The following EPHA6 variants were observed in gnomAD, a reference collection of about 807,000 sequenced individuals.
EPHA6 encodes the protein EPH receptor A6.
Under a neutral mutation model 112.0 loss-of-function variants are expected in EPHA6, and 50 were observed. The ratio of observed to expected loss-of-function variants is 0.45; its 90% CI spans 0.36 to 0.56. The LOEUF is 0.56. Among genes scored for constraint, EPHA6 ranks in the 20% least tolerant of loss-of-function variants. The pLI is 0.00. For missense variants in EPHA6, 1,280 were observed against 1,417.4 expected, an observed-to-expected ratio of 0.90 and a Z score of 1.56; for synonymous variants, 529 against 490.7, an observed-to-expected ratio of 1.08 and a Z score of -1.03.
At chr3:96,990,253 A>T (rs895321945) in intron 3 of EPHA6, among the ~76,000 whole-genome samples, 2 of 152,242 alleles carry the variant, frequency 1.3e-5, no homozygotes, top group South Asian at 4.1e-4. Context: ...GTGAAATTTT[A>T]TTCTTATTTA....
At chr3:97,035,390 T>C (rs2045050693) in intron 3 of EPHA6, among the ~76,000 whole-genome samples, 3 of 151,986 alleles carry the variant, frequency 2.0e-5, no homozygotes, top group Non-Finnish European at 4.4e-5. Context: ...GTTTTGGTGG[T>C]ACATAACTTT....
chr3:96,887,719 G>T (rs1033919046), intron 2 of EPHA6, among the ~76,000 whole-genome samples: 1 of 152,060 alleles, frequency 6.6e-6, no homozygotes, highest in African/African-American at 2.4e-5. Context: ...AGGTCAGGGC[G>T]GGGCTAGGTG....
chr3:97,375,874 C>A (rs528236777), intron 5 of EPHA6, among the ~76,000 whole-genome samples: 59 of 152,160 alleles, frequency 3.9e-4, no homozygotes, highest in South Asian at 4.1e-4. Context: ...CTAGAAAATA[C>A]AAACTAACCT....
chr3:97,685,120 T>A (rs976744172), intron 14 of EPHA6, among the ~76,000 whole-genome samples: 1 of 152,188 alleles, frequency 6.6e-6, no homozygotes, highest in Non-Finnish European at 1.5e-5. Context: ...ATTTATATGA[T>A]GTCACTCATA....
Position 96,866,845 on chromosome 3 carries a change from A to G in EPHA6, c.406A>G (p.Thr136Ala), listed in dbSNP as rs565610344. The change falls in exon 2 of 18, where the codon ACT (threonine) becomes GCT (alanine). Residue 136 changes from threonine to alanine, a missense_variant. Thr to Ala is a moderately conservative substitution (Grantham distance 58). Transcript: ENST00000389672. ...TCCAGTTGTGTTGCTTGATACAACAACTGTACTGGGAGAGCTAGGATGGAA... is the reference window on the plus strand; with the variant it reads ...TCCAGTTGTGTTGCTTGATACAACAGCTGTACTGGGAGAGCTAGGATGGAA... ...NNQVVLLDTT[T>A]VLGELGWKTY... 6 of 1,487,012 alleles carry G rather than the reference A, an allele frequency of 4.0e-6. No homozygotes were observed. The South Asian group carries it at 7.0e-5, about 17-fold the overall frequency. 92.1% of individuals were successfully genotyped at this position (1,487,012 alleles called of 1,614,324 possible). A position where few individuals can be genotyped will look rare whatever the true frequency, so the allele number is the denominator to read the frequency against.
chr3:97,618,604 C>T (rs540245486), intron 13 of EPHA6, among the ~76,000 whole-genome samples: 1 of 151,970 alleles, frequency 6.6e-6, no homozygotes, highest in Admixed American at 6.6e-5. Context: ...CACAGAAATA[C>T]AAGCAACGAT....
chr3:96,819,963 G>A (rs778530517), intron 1 of EPHA6, among the ~76,000 whole-genome samples: 1 of 152,118 alleles, frequency 6.6e-6, no homozygotes, highest in Non-Finnish European at 1.5e-5. Flanking sequence ...TGTGCTATTT[G>A]AAATGGGACA....
At chr3:97,181,667 G>C (rs1030151728) in intron 3 of EPHA6, among the ~76,000 whole-genome samples, 2 of 151,910 alleles carry the variant, frequency 1.3e-5, no homozygotes, top group Non-Finnish European at 2.9e-5. Context: ...TAATAAATTT[G>C]AAGTTATCTA....
chr3:97,379,348 C>T (rs2085572273), intron 5 of EPHA6, among the ~76,000 whole-genome samples: 1 of 152,090 alleles, frequency 6.6e-6, no homozygotes, highest in South Asian at 2.1e-4. Context: ...ATCAGAAATG[C>T]TTCAGAACTA....
chr3:96,954,773 CTTTTTTTTTTTTTTT>C (rs10612575), intron 2 of EPHA6, among the ~76,000 whole-genome samples: 172 of 72,706 alleles, frequency 2.4e-3, no homozygotes, highest in African/African-American at 8.9e-3. Flanking sequence ...ACTGGTGTGC[CTTTTTTTTTTTTTTT>C]TTTTTTTTTT....
At chr3:97,709,331 A>G (rs759467647) in intron 14 of EPHA6, among the ~76,000 whole-genome samples, 1 of 152,204 alleles carries the variant, frequency 6.6e-6, no homozygotes, top group Non-Finnish European at 1.5e-5. Flanking sequence ...TTGGAACTTT[A>G]AATTTAATGA....
chr3:97,422,813 A>G (rs2088781213), intron 6 of EPHA6, among the ~76,000 whole-genome samples: 1 of 152,228 alleles, frequency 6.6e-6, no homozygotes, highest in Non-Finnish European at 1.5e-5. Flanking sequence ...CTAATCCACC[A>G]TGATCCATTA....
At chr3:97,632,838 T>C (rs1433133978) in intron 13 of EPHA6, among the ~76,000 whole-genome samples, 4 of 152,128 alleles carry the variant, frequency 2.6e-5, no homozygotes, top group Non-Finnish European at 1.5e-5. Flanking sequence ...TATTCTGTCA[T>C]TGAAAATCAT....
chr3:97,304,228 C>G (rs1310952750), intron 5 of EPHA6, among the ~76,000 whole-genome samples: 1 of 151,588 alleles, frequency 6.6e-6, no homozygotes, highest in Non-Finnish European at 1.5e-5. Context: ...ATTTGAATAC[C>G]CTTTATCTCT....
intron 14 of EPHA6, among the ~76,000 whole-genome samples, chr3:97,715,745 G>A (rs956533550): frequency 6.6e-6 from 1 of 152,158 alleles, no homozygotes; most frequent in Non-Finnish European, 1.5e-5. Flanking sequence ...CCACTCTGGG[G>A]ATATAGGGCA....
chr3:97,603,237 C>T (rs1185018274), intron 12 of EPHA6, among the ~76,000 whole-genome samples: 1 of 151,914 alleles, frequency 6.6e-6, no homozygotes, highest in Non-Finnish European at 1.5e-5. Context: ...ATGATAATTT[C>T]TAGCAGGAAG....
intron 4 of EPHA6, among the ~76,000 whole-genome samples, chr3:97,236,350 G>A (rs373639252): frequency 3.1e-4 from 47 of 151,898 alleles, no homozygotes; most frequent in Non-Finnish European, 6.8e-4. Context: ...AGTCTAATAG[G>A]TGGGTGAGTG....
intron 14 of EPHA6, among the ~76,000 whole-genome samples, chr3:97,693,086 A>G (rs1032113879): frequency 1.3e-5 from 2 of 152,228 alleles, no homozygotes; most frequent in African/African-American, 2.4e-5. Context: ...AATAATAAAG[A>G]AAGTAAATGA....
At chr3:97,538,730 T>C (rs2092796734) in intron 11 of EPHA6, among the ~76,000 whole-genome samples, 3 of 152,130 alleles carry the variant, frequency 2.0e-5, no homozygotes, top group African/African-American at 7.2e-5. Context: ...CCAACTTAGA[T>C]GGATTGAGAA....
Sources: allele counts gnomAD v4.1 joint callset (sites outside exome capture counted in the v4.1 genomes callset), GRCh38; gene constraint gnomAD v4.1.1; transcripts MANE v1.5; gene names NCBI Gene and HGNC (gene_info 2026-07-23, HGNC 2026-07-21).